PPP1R1A: variants seen among roughly 807,000 people sequenced by gnomAD.
PPP1R1A encodes protein phosphatase 1 regulatory subunit 1A.
In PPP1R1A, 18 loss-of-function variants were observed where a neutral mutation model predicts 23.9. That is an observed-to-expected ratio of 0.75 (90% CI 0.52 to 1.12). The LOEUF (loss-of-function observed/expected upper bound fraction) is 1.12. PPP1R1A is among the 50% of genes most tolerant of loss of function. The pLI, the probability that PPP1R1A is intolerant of heterozygous loss-of-function variation, is 0.00. For synonymous variants in PPP1R1A, 84 were observed against 80.7 expected (o/e 1.04, Z -0.22); for missense variants, 207 against 223.8 (o/e 0.92, Z 0.48).
At chr12:54,585,710 C>T (rs1363652904) in intron 1 of PPP1R1A, among the ~76,000 whole-genome samples, 1 of 151,576 alleles carries the variant, frequency 6.6e-6, no homozygotes, top group African/African-American at 2.4e-5. Flanking sequence ...GAGGTGAACA[C>T]TGCCCCTCTC....
At position 54,580,342 on chromosome 12, in the gene PPP1R1A, G is replaced by C. The variant is rs1465401417; in HGVS notation, c.*45C>G. ...AATAAGAAACAAATCCGGTGTCCAT[G>C]CATTCCCAAACTGCAGTCTTGATCC... On this transcript the variant is annotated 3_prime_UTR_variant, in exon 7 of 7. Coordinates refer to ENST00000257905, the MANE Select transcript of PPP1R1A (RefSeq NM_006741.4). 1 of 1,612,066 alleles carries C rather than the reference G, an allele frequency of 6.2e-7. No homozygotes were observed. The highest frequency in any genetic ancestry group is 8.5e-7 in the Non-Finnish European group (1 of 1,179,112).
Position 54,584,273 on chromosome 12 carries a change from G to C in PPP1R1A, c.132C>G (p.Asp44Glu). The change falls in exon 2 of 7, where the codon GAC becomes GAG. Residue 44 changes from aspartate (D) to glutamate (E), a missense_variant. Transcript: ENST00000257905. ...CCCTTGGCTTACCTGGGGATGACTG[G>C]TCACTGGTCAGCACGAGGGTGGCAG... is the stretch of plus-strand genomic sequence containing the variant. ...PTPATLVLTS[D>E]QSSPEIDEDR... The C allele has an allele frequency of 6.2e-7, 1 of 1,603,504 alleles. No homozygotes were observed. Among genetic ancestry groups the C allele is most frequent in the Non-Finnish European group, 8.5e-7 (1 of 1,175,388 alleles).
Position 54,588,322 on chromosome 12 carries a change from G to A in PPP1R1A, c.84+83C>T, listed in dbSNP as rs915145837. On this transcript the variant is annotated intron_variant, in intron 1 of 6. Coordinates refer to ENST00000257905, the MANE Select transcript of PPP1R1A (RefSeq NM_006741.4). Reference sequence around the variant, plus strand: ...AGGGCGCACTGCTAAGGGAGGACTAGGCAGGGATCCTGGGTCCCACCAGTC... The same window carrying A: ...AGGGCGCACTGCTAAGGGAGGACTAAGCAGGGATCCTGGGTCCCACCAGTC... 8 of 1,106,716 alleles carry A rather than the reference G, an allele frequency of 7.2e-6. No homozygotes were observed. In the African/African-American group the frequency reaches 1.2e-4, roughly 16 times the overall value. The allele number at this position is 1,106,716 out of a possible 1,614,324, so 68.6% of individuals were successfully genotyped here. A position where few individuals can be genotyped will look rare whatever the true frequency, so the allele number is the denominator to read the frequency against.
chr12:54,587,347 T>C (rs1957920424), intron 1 of PPP1R1A, among the ~76,000 whole-genome samples: 1 of 152,170 alleles, frequency 6.6e-6, no homozygotes, highest in Admixed American at 6.5e-5. Flanking sequence ...AACAGAGAAC[T>C]GACCTTGTGG....
Position 54,588,587 on chromosome 12 carries a change from C to A in PPP1R1A, c.-99G>T, listed in dbSNP as rs1957936349. 1 of 642,210 alleles carries A rather than the reference C, an allele frequency of 1.6e-6. No individual in the cohort carries two copies. The highest frequency in any genetic ancestry group is 2.0e-5 in the African/African-American group (1 of 51,216). The allele number at this position is 642,210 out of a possible 1,614,324, so 39.8% of individuals were successfully genotyped here. On this transcript the variant is annotated 5_prime_UTR_variant, in exon 1 of 7. Coordinates refer to ENST00000257905, the MANE Select transcript of PPP1R1A (RefSeq NM_006741.4). ...CGCTCCCTCTCCGCTCCGCTCCGGC[C>A]CCGGCCCCAGCCCGGCGCGCTCGGC...
rs375474349 is a variant in PPP1R1A, at chr12:54,588,478, T to A, written c.11A>T (p.Asp4Val). The A allele has an allele frequency of 2.9e-5, 42 of 1,426,242 alleles. No individual in the cohort carries two copies. Among genetic ancestry groups the A allele is most frequent in the Non-Finnish European group, 3.6e-5 (39 of 1,080,378 alleles). The allele number at this position is 1,426,242 out of a possible 1,614,324, so 88.3% of individuals were successfully genotyped here. The stretch of plus-strand genomic sequence containing the variant: ...GAACTGGATCTTTCGGGGGCTGTTG[T>A]CTTGCTCCATGGCTGGGGCGGCGGC... MEQ[D>V]NSPRKIQFTV... Residue 4 changes from aspartate (D) to valine (V), a missense_variant, in exon 1 of 7, where the codon GAC becomes GTC. Coordinates refer to ENST00000257905, the MANE Select transcript of PPP1R1A (RefSeq NM_006741.4).
intron 1 of PPP1R1A, among the ~76,000 whole-genome samples, chr12:54,584,930 T>G (rs1344437704): frequency 2.0e-5 from 3 of 152,198 alleles, no homozygotes; most frequent in Admixed American, 1.3e-4. Context: ...TCTGCTCTAA[T>G]GCATTGATCT....
intron 1 of PPP1R1A, among the ~76,000 whole-genome samples, chr12:54,585,071 G>A (rs1313770576): frequency 3.3e-5 from 5 of 152,222 alleles, no homozygotes; most frequent in Non-Finnish European, 5.9e-5. Context: ...AGCGCCTGGA[G>A]AGAGCATCCT....
chr12:54,580,147 G>C lies in PPP1R1A; in HGVS notation c.*240C>G. On this transcript the variant is annotated 3_prime_UTR_variant, in exon 7 of 7. Transcript: ENST00000257905. The stretch of plus-strand genomic sequence containing the variant: ...TGCTCAAGGCTTCTGCCTAGCTCCT[G>C]TTTCTTCCTTCCCAGAGGCAGCTTG... The C allele has an allele frequency of 7.5e-7, 1 of 1,339,236 alleles. No homozygotes were observed. The highest frequency in any genetic ancestry group is 9.6e-7 in the Non-Finnish European group (1 of 1,041,480). 83.0% of individuals were successfully genotyped at this position (1,339,236 alleles called of 1,614,324 possible).
chr12:54,580,211 G>A lies in PPP1R1A; in HGVS notation c.*176C>T. 7.0e-7 allele frequency: 1 copy of A among 1,427,430 alleles called. No individual in the cohort carries two copies. The highest frequency in any genetic ancestry group is 9.2e-7 in the Non-Finnish European group (1 of 1,087,404). The allele number at this position is 1,427,430 out of a possible 1,614,324, so 88.4% of individuals were successfully genotyped here. On this transcript the variant is annotated 3_prime_UTR_variant, in exon 7 of 7. Coordinates refer to ENST00000257905, the MANE Select transcript of PPP1R1A (RefSeq NM_006741.4). ...GGCTACAGAGAGGGCAGGGCAAGAA[G>A]GCAGGGAGAAAGGATTCTCCCAGTT...
chr12:54,584,678 T>A (rs1957891628), intron 1 of PPP1R1A, among the ~76,000 whole-genome samples: 1 of 151,928 alleles, frequency 6.6e-6, no homozygotes, highest in Non-Finnish European at 1.5e-5. Context: ...TTCAGCACCA[T>A]GTAATAAACC....
At chr12:54,588,256 A>AGGG in intron 1 of PPP1R1A, 149 bp downstream of exon 1, 1 of 180,668 alleles carries the variant, frequency 5.5e-6, no homozygotes, top group Non-Finnish European at 1.1e-5. Context: ...GGGACAGAAG[A>AGGG]CCCCCCCCCG....
chr12:54,587,143 C>T (rs912980952), intron 1 of PPP1R1A, among the ~76,000 whole-genome samples: 4 of 152,220 alleles, frequency 2.6e-5, no homozygotes, highest in African/African-American at 7.2e-5. Flanking sequence ...CTAACCCTAT[C>T]TCCACATTGG....
Position 54,581,637 on chromosome 12 carries a change from A to G in PPP1R1A, c.403+339T>C. On this transcript the variant is annotated intron_variant, in intron 5 of 6. Coordinates refer to ENST00000257905, the MANE Select transcript of PPP1R1A (RefSeq NM_006741.4). The surrounding 1 kb of genome is among the most constrained non-coding windows in gnomAD (Gnocchi z 4.1). ...ACCCTCATTATCATTTTATACCCTG[A>G]GGTTAAGTCGTTCAAGGCCTCTCAG... is the stretch of plus-strand genomic sequence containing the variant. Among the ~76,000 whole-genome samples the G allele has an allele frequency of 6.6e-6, 1 of 152,062 alleles. No individual in the cohort carries two copies. Among genetic ancestry groups the G allele is most frequent in the East Asian group, 1.9e-4 (1 of 5,186 alleles).
At position 54,583,304 on chromosome 12, in the gene PPP1R1A, T is replaced by C. The variant is rs1401815667; in HGVS notation, c.146-56A>G. The C allele has an allele frequency of 5.8e-6, 8 of 1,389,424 alleles. No individual in the cohort carries two copies. In the South Asian group the frequency reaches 1.3e-4, roughly 23 times the overall value. The allele number at this position is 1,389,424 out of a possible 1,614,324, so 86.1% of individuals were successfully genotyped here. A position where few individuals can be genotyped will look rare whatever the true frequency, so the allele number is the denominator to read the frequency against. On this transcript the variant is annotated intron_variant, in intron 2 of 6. Transcript: ENST00000257905. Reference sequence around the variant, plus strand: ...AAGGACAGGAAACCAGGGATCCCCATAGAGCTGACTTCTCAGGGGAGGGGA... The same window carrying C: ...AAGGACAGGAAACCAGGGATCCCCACAGAGCTGACTTCTCAGGGGAGGGGA...
chr12:54,581,820 C>T lies in PPP1R1A; in HGVS notation c.403+156G>A, dbSNP rs1195851136. ...GAAAAGTGAAGATTCAAATATATGC[C>T]GAACATGCCAACAGATCCATATCCT... On this transcript the variant is annotated intron_variant, in intron 5 of 6. Coordinates refer to ENST00000257905, the MANE Select transcript of PPP1R1A (RefSeq NM_006741.4). This position sits in a 1 kb window ranked among gnomAD's most constrained non-coding sequence, Gnocchi z 4.1. 6.6e-6 allele frequency among the ~76,000 whole-genome samples: 1 copy of T among 152,142 alleles called. No individual in the cohort carries two copies. Among genetic ancestry groups the T allele is most frequent in the East Asian group, 1.9e-4 (1 of 5,202 alleles).
rs748572871 is a variant in PPP1R1A, at chr12:54,584,267, T to C, written c.138A>G (p.Ser46=). ...ACCTATCCCTTGGCTTACCTGGGGA[T>C]GACTGGTCACTGGTCAGCACGAGGG... ...PATLVLTSDQ[S]SPEIDEDRIP... The change falls in exon 2 of 7, where the codon TCA becomes TCG. Residue 46 remains serine (S), a synonymous_variant. Transcript: ENST00000257905. 1.9e-6 allele frequency: 3 copies of C among 1,602,034 alleles called. No individual in the cohort carries two copies. Among genetic ancestry groups the C allele is most frequent in the East Asian group, 4.5e-5 (2 of 44,618 alleles).
rs1037975578 is a variant in PPP1R1A, at chr12:54,588,490, G to T, written c.-2C>A. ...TCGGGGGCTGTTGTCTTGCTCCATG[G>T]CTGGGGCGGCGGCCGGTGGGCCCGC... On this transcript the variant is annotated 5_prime_UTR_variant, in exon 1 of 7. Coordinates refer to ENST00000257905, the MANE Select transcript of PPP1R1A (RefSeq NM_006741.4). 2 of 1,365,970 alleles carry T rather than the reference G, an allele frequency of 1.5e-6. No homozygotes were observed. The allele number at this position is 1,365,970 out of a possible 1,614,324, so 84.6% of individuals were successfully genotyped here. A position where few individuals can be genotyped will look rare whatever the true frequency, so the allele number is the denominator to read the frequency against.
At position 54,580,334 on chromosome 12, in the gene PPP1R1A, G is replaced by T; in HGVS notation, c.*53C>A. ...AGTGAAGGAATAAGAAACAAATCCG[G>T]TGTCCATGCATTCCCAAACTGCAGT... On this transcript the variant is annotated 3_prime_UTR_variant, in exon 7 of 7. Coordinates refer to ENST00000257905, the MANE Select transcript of PPP1R1A (RefSeq NM_006741.4). 6.2e-7 allele frequency: 1 copy of T among 1,610,776 alleles called. No individual in the cohort carries two copies. The highest frequency in any genetic ancestry group is 1.1e-5 in the South Asian group (1 of 90,586).
Sources: allele counts gnomAD v4.1 joint callset (sites outside exome capture counted in the v4.1 genomes callset), GRCh38; gene constraint gnomAD v4.1.1; non-coding constraint Gnocchi (gnomAD v3.1); transcripts MANE v1.5; gene names NCBI Gene and HGNC (gene_info 2026-07-23, HGNC 2026-07-21).